The following SOX30 variants were observed in gnomAD, a reference collection of about 807,000 sequenced individuals.
SOX30 encodes the protein SRY-box transcription factor 30.
SOX30 carries 17 observed loss-of-function variants against 58.6 expected under a neutral mutation model. The ratio of observed to expected loss-of-function variants is 0.29; its 90% CI spans 0.20 to 0.44. The LOEUF is 0.44. Among genes scored for constraint, SOX30 ranks in the 20% least tolerant of loss-of-function variants. The probability of loss-of-function intolerance (pLI) is 1.00; values close to 1 mark genes in which losing one functional copy is unlikely to be tolerated. For missense variants in SOX30, 951 were observed against 965.8 expected (o/e 0.98, Z 0.20); for synonymous variants, 421 against 400.2 (o/e 1.05, Z -0.62).
intron 3 of SOX30, among the ~76,000 whole-genome samples, chr5:157,643,041 G>A (rs952676362): frequency 2.6e-5 from 4 of 151,812 alleles, no homozygotes; most frequent in Non-Finnish European, 5.9e-5. Context: ...TTGACAAAAG[G>A]AATATAAATA....
At chr5:157,637,987 T>C (rs545424038) in intron 4 of SOX30, among the ~76,000 whole-genome samples, 4 of 152,100 alleles carry the variant, frequency 2.6e-5, no homozygotes, top group Non-Finnish European at 5.9e-5. Flanking sequence ...AGCCACTGCC[T>C]GAAGCCTATA....
chr5:157,634,238 T>C (rs1758874154), intron 4 of SOX30, among the ~76,000 whole-genome samples: 1 of 152,208 alleles, frequency 6.6e-6, no homozygotes, highest in Admixed American at 6.5e-5. Context: ...TTTTGAGACA[T>C]GGTCTCACTC....
chr5:157,630,493 T>C (rs1027910057), intron 4 of SOX30, among the ~76,000 whole-genome samples: 5 of 152,210 alleles, frequency 3.3e-5, no homozygotes, highest in African/African-American at 1.2e-4. Flanking sequence ...TATTTGGTTT[T>C]CTAGAGTATT....
intron 4 of SOX30, among the ~76,000 whole-genome samples, chr5:157,632,050 A>T (rs1222062699): frequency 8.0e-5 from 7 of 87,472 alleles, no homozygotes; most frequent in African/African-American, 3.1e-4. Flanking sequence ...CCGTAACTAA[A>T]AAAAAAAAAA....
chr5:157,665,901 CTTTTTTT>C, intron 2 of SOX30, among the ~76,000 whole-genome samples: 1 of 130,230 alleles, frequency 7.7e-6, no homozygotes, highest in East Asian at 2.2e-4. Context: ...AGGATATTCC[CTTTTTTT>C]TTTTTTTTTT....
At chr5:157,657,809 A>T (rs568363149) in intron 2 of SOX30, among the ~76,000 whole-genome samples, 5 of 152,368 alleles carry the variant, frequency 3.3e-5, no homozygotes, top group African/African-American at 1.2e-4. Flanking sequence ...CAATATAGTT[A>T]TTTGCATAAG....
At chr5:157,667,456 G>T (rs186578869) in intron 2 of SOX30, among the ~76,000 whole-genome samples, 1 of 152,152 alleles carries the variant, frequency 6.6e-6, no homozygotes, top group Non-Finnish European at 1.5e-5. Context: ...CTTGAGGCTG[G>T]GTATGGTGGT....
Position 157,651,465 on chromosome 5 carries a change from G to A in SOX30, c.614C>T (p.Ala205Val), listed in dbSNP as rs1759336863. 2 of 1,613,360 alleles carry A rather than the reference G, an allele frequency of 1.2e-6. No homozygotes were observed. The highest frequency in any genetic ancestry group is 8.5e-7 in the Non-Finnish European group (1 of 1,180,020). ...TTTGATCACACCTTCTCGGATGGCTGCCGGGCTTTTGCCTGCCCCGCCTTG... is the reference window on the plus strand; with the variant it reads ...TTTGATCACACCTTCTCGGATGGCTACCGGGCTTTTGCCTGCCCCGCCTTG... The part of the protein sequence containing the change: ...SMQGGAGKSP[A>V]AIREGVIKTE... Residue 205 changes from alanine (A) to valine (V), a missense_variant, in exon 1 of 5, where the codon GCA becomes GTA. Physicochemically the swap from Ala to Val is moderately conservative, Grantham distance 64 (BLOSUM62 0). This residue lies in a region of SOX30 where 363 missense variants were observed against 294.5 expected (regional missense o/e 1.23). Transcript: ENST00000265007.
intron 4 of SOX30, among the ~76,000 whole-genome samples, chr5:157,637,882 CAG>C (rs1758968201): frequency 1.3e-5 from 2 of 152,182 alleles, no homozygotes; most frequent in South Asian, 4.1e-4. Flanking sequence ...TTAGTAGAGA[CAG>C]AGTTTTACCA....
At chr5:157,661,389 TA>T (rs773667677) in intron 2 of SOX30, among the ~76,000 whole-genome samples, 25 of 152,242 alleles carry the variant, frequency 1.6e-4, no homozygotes, top group Non-Finnish European at 3.4e-4. Flanking sequence ...TTGAGATGAT[TA>T]TATGGCTTTT....
rs1758987237 is a variant in SOX30, at chr5:157,638,539, A to G, written c.1571T>C (p.Leu524Pro). Residue 524 changes from leucine (L) to proline (P), a missense_variant, in exon 4 of 5, where the codon CTG becomes CCG. Around this residue, in one of 7 missense-constraint regions of SOX30, gnomAD observed 381 missense variants for 390.0 expected, o/e 0.98. Transcript: ENST00000265007. ...TGPSQTDTHQ[L>P]HSEATHTVKQ... is the part of the protein sequence containing the mutation. ...CACAGTGTGAGTGGCTTCAGAATGC[A>G]GCTGATGAGTGTCTGTTTGGGAAGG... 6.2e-7 allele frequency: 1 copy of G among 1,614,070 alleles called. No individual in the cohort carries two copies. Among genetic ancestry groups the G allele is most frequent in the Non-Finnish European group, 8.5e-7 (1 of 1,180,036 alleles).
chr5:157,636,684 C>G (rs1159690013), intron 4 of SOX30, among the ~76,000 whole-genome samples: 2 of 152,132 alleles, frequency 1.3e-5, no homozygotes, highest in Admixed American at 1.3e-4. Context: ...ATATATACCT[C>G]AAAAGTTGTT....
chr5:157,663,523 T>A (rs973620951), intron 2 of SOX30, among the ~76,000 whole-genome samples: 3 of 152,172 alleles, frequency 2.0e-5, no homozygotes, highest in African/African-American at 7.2e-5. Flanking sequence ...ACTGGAAGCA[T>A]TCCCTTTGAA....
At chr5:157,626,836 A>T in intron 4 of SOX30, 115 bp from the exon 5 acceptor site, 3 of 1,128,936 alleles carry the variant, frequency 2.7e-6, no homozygotes, top group Non-Finnish European at 3.7e-6. Context: ...TCCTTTCTGC[A>T]AACACTTCAT....
intron 1 of SOX30, among the ~76,000 whole-genome samples, chr5:157,649,248 A>G (rs1050552024): frequency 5.9e-5 from 9 of 152,182 alleles, no homozygotes; most frequent in African/African-American, 2.2e-4. Context: ...ACTACTAAAA[A>G]TATTCTACCA....
chr5:157,671,217 C>G (rs951826607), intron 1 of SOX30: 4 of 199,786 alleles, frequency 2.0e-5, no homozygotes, highest in Non-Finnish European at 3.0e-5. Context: ...CTTCAGACCT[C>G]AGCTCCATGC....
chr5:157,663,146 C>CA lies in SOX30; in HGVS notation c.52+4651dup, dbSNP rs1466570085. Among the ~76,000 whole-genome samples the CA allele has an allele frequency of 6.6e-5, 10 of 151,970 alleles. No individual in the cohort carries two copies. The East Asian group carries it at 1.2e-3, about 18-fold the overall frequency. On this transcript the variant is annotated intron_variant, in intron 2 of 5. Coordinates refer to the SOX30 transcript ENST00000519442. ...ATACCAAAGCCTGGCAGAGACACAA[C>CA]AAAAAAAGAGAATTTTAGACCAATA...
intron 4 of SOX30, among the ~76,000 whole-genome samples, chr5:157,637,068 G>C (rs568650119): frequency 6.6e-6 from 1 of 150,684 alleles, no homozygotes; most frequent in Non-Finnish European, 1.5e-5. Context: ...GGGAGGCGGA[G>C]GCTGTGGTGA....
In SOX30 at chr5:157,662,810, A is replaced by C. The variant is rs186411968; in HGVS notation, c.52+4988T>G. Reference sequence around the variant, plus strand: ...AATGCCTGCTGGAGGCTTTGTCTGCATGATAAAACCTAGGTCTTCACAACC... The same window carrying C: ...AATGCCTGCTGGAGGCTTTGTCTGCCTGATAAAACCTAGGTCTTCACAACC... On this transcript the variant is annotated intron_variant, in intron 2 of 5. Coordinates refer to the SOX30 transcript ENST00000519442. 2.0e-5 allele frequency among the ~76,000 whole-genome samples: 3 copies of C among 152,360 alleles called. No homozygotes were observed. In the East Asian group the frequency reaches 5.8e-4, roughly 29 times the overall value.
Sources: gnomAD v4.1 joint callset for allele counts (sites outside exome capture counted in the v4.1 genomes callset) on GRCh38, gnomAD v4.1.1 for gene constraint, gnomAD v4.1.1 regional missense constraint, MANE v1.5 for transcripts, NCBI Gene and HGNC (gene_info 2026-07-23, HGNC 2026-07-21) for gene names.